Variants in USP28 observed in about 807,000 individuals in gnomAD.
The protein encoded by USP28 is ubiquitin specific peptidase 28.
Under a neutral mutation model 145.0 loss-of-function variants are expected in USP28, and 113 were observed. The ratio of observed to expected loss-of-function variants is 0.78; its 90% CI spans 0.67 to 0.91. The LOEUF (loss-of-function observed/expected upper bound fraction) is 0.91. USP28 is among the 40% of genes least tolerant of loss of function. The pLI is 0.00. For missense variants in USP28, 1,201 were observed against 1,289.6 expected (o/e 0.93, Z 1.05); for synonymous variants, 447 against 450.9 (o/e 0.99, Z 0.11).
intron 1 of USP28, among the ~76,000 whole-genome samples, chr11:113,871,669 A>G (rs1948828997): frequency 6.6e-6 from 1 of 152,118 alleles, no homozygotes; most frequent in South Asian, 2.1e-4. Context: ...CACTGAAATA[A>G]GAGAAAAGAG....
chr11:113,845,882 G>A (rs1945780397), intron 3 of USP28, among the ~76,000 whole-genome samples: 1 of 152,144 alleles, frequency 6.6e-6, no homozygotes, highest in Admixed American at 6.6e-5. Flanking sequence ...GACTAAAACA[G>A]GGTCTTGTAG....
intron 1 of USP28, among the ~76,000 whole-genome samples, chr11:113,860,548 A>C (rs1947553328): frequency 1.3e-5 from 2 of 152,158 alleles, no homozygotes; most frequent in African/African-American, 4.8e-5. Context: ...GCAGTGGCTC[A>C]TGTCTGTGAT....
At chr11:113,836,625 T>C (rs1295403422) in intron 5 of USP28, among the ~76,000 whole-genome samples, 3 of 152,124 alleles carry the variant, frequency 2.0e-5, no homozygotes, top group Non-Finnish European at 4.4e-5. Context: ...GCCTTGAGAA[T>C]ATATCAAGAA....
chr11:113,798,073 T>G (rs944946370), exon 25 of USP28: 1 of 129,322 alleles, frequency 7.7e-6, no homozygotes, highest in Non-Finnish European at 1.6e-5. Context: ...CTGGTTTTTT[T>G]TTTTTTTTTT....
exon 25 of USP28, chr11:113,798,081 T>A (rs904249864): frequency 2.1e-5 from 3 of 146,004 alleles, no homozygotes; most frequent in Non-Finnish European, 4.5e-5. Context: ...TTTTTTTTTT[T>A]TTTTTTTTTT....
In USP28 at chr11:113,812,268, A is replaced by G. The variant is rs933582166; in HGVS notation, c.1972+8T>C. 4 of 1,608,984 alleles carry G rather than the reference A, an allele frequency of 2.5e-6. No individual in the cohort carries two copies. In the Admixed American group the frequency reaches 6.7e-5, roughly 27 times the overall value. ...CCCAATCTATAGATTCTGCCAAGAT[A>G]CTTTTACCTGCATTGAAGTAGGGTA... On this transcript the variant is annotated splice_region_variant and intron_variant, in intron 16 of 24. Transcript: ENST00000003302.
intron 3 of USP28, among the ~76,000 whole-genome samples, chr11:113,845,130 A>C (rs959021320): frequency 4.0e-5 from 6 of 150,936 alleles, no homozygotes; most frequent in South Asian, 4.2e-4. Flanking sequence ...AAAAAAAAAA[A>C]AACAACAAAA....
intron 1 of USP28, among the ~76,000 whole-genome samples, chr11:113,869,677 G>A (rs1948628301): frequency 6.6e-6 from 1 of 152,122 alleles, no homozygotes; most frequent in African/African-American, 2.4e-5. Context: ...AAAAATGTAT[G>A]GAAAAGTGCT....
intron 5 of USP28, among the ~76,000 whole-genome samples, chr11:113,838,152 C>T (rs1202839805): frequency 1.3e-5 from 2 of 152,230 alleles, no homozygotes; most frequent in Non-Finnish European, 2.9e-5. Flanking sequence ...AAGCCTTACT[C>T]AGCTATCTTC....
Position 113,827,111 on chromosome 11 carries a change from T to A in USP28, c.1187+122A>T, listed in dbSNP as rs1274505902. 4.7e-6 allele frequency: 6 copies of A among 1,268,044 alleles called. No homozygotes were observed. The Admixed American group carries it at 7.8e-5, about 16-fold the overall frequency. The allele number at this position is 1,268,044 out of a possible 1,614,324, so 78.5% of individuals were successfully genotyped here. A position where few individuals can be genotyped will look rare whatever the true frequency, so the allele number is the denominator to read the frequency against. Reference sequence around the variant, plus strand: ...GGCAAAGACCCTCAACCTAGACTCATAGAATCCAAATTTGCATATTATCAT... The same window carrying A: ...GGCAAAGACCCTCAACCTAGACTCAAAGAATCCAAATTTGCATATTATCAT... On this transcript the variant is annotated intron_variant, in intron 11 of 24. Transcript: ENST00000003302.
Position 113,805,018 on chromosome 11 carries a change from TAG to T in USP28, c.2427_2428del (p.Tyr810SerfsTer12). ...GGTGGGGGTCTCTTTGGCAAGCTGATAGAGCCTGGAGTATTCTTCATGGAATG... is the reference window on the plus strand; with the variant it reads ...GGTGGGGGTCTCTTTGGCAAGCTGATAGCCTGGAGTATTCTTCATGGAATG... On this transcript the variant is annotated frameshift_variant, in exon 20 of 25. Coordinates refer to ENST00000003302, the Ensembl canonical transcript of USP28. LOFTEE classifies it high-confidence loss of function. The T allele has an allele frequency of 6.2e-7, 1 of 1,614,054 alleles. No homozygotes were observed. The highest frequency in any genetic ancestry group is 8.5e-7 in the Non-Finnish European group (1 of 1,179,974).
intron 1 of USP28, among the ~76,000 whole-genome samples, chr11:113,866,019 C>T (rs1048537559): frequency 6.6e-6 from 1 of 152,188 alleles, no homozygotes; most frequent in Non-Finnish European, 1.5e-5. Context: ...CAGTGCTGGC[C>T]GGGCACGGTG....
At chr11:113,813,741 C>A in intron 15 of USP28, 144 bp downstream of exon 15, 1 of 699,164 alleles carries the variant, frequency 1.4e-6, no homozygotes, top group Non-Finnish European at 2.4e-6. Context: ...AATAAAGAAA[C>A]AGAACAACAT....
intron 13 of USP28, among the ~76,000 whole-genome samples, chr11:113,816,411 G>A (rs965641783): frequency 5.9e-5 from 9 of 152,128 alleles, no homozygotes; most frequent in African/African-American, 2.2e-4. Context: ...TACTTGGGAG[G>A]CTGAGGCAGG....
rs773864695 is a variant in USP28 at position 113,827,369 on chromosome 11, A to C, written c.1060-9T>G. 2 of 1,571,388 alleles carry C rather than the reference A, an allele frequency of 1.3e-6. No homozygotes were observed. The highest frequency in any genetic ancestry group is 1.4e-5 in the African/African-American group (1 of 70,558). On this transcript the variant is annotated splice_polypyrimidine_tract_variant and intron_variant, in intron 10 of 24. Coordinates refer to ENST00000003302, the Ensembl canonical transcript of USP28. Reference sequence around the variant, plus strand: ...AGCTTTGTAAACCAACGCTAGTGTCAAGAGTAGAAATGTGAGAGAAAGAAA... The same window carrying C: ...AGCTTTGTAAACCAACGCTAGTGTCCAGAGTAGAAATGTGAGAGAAAGAAA...
exon 25 of USP28, chr11:113,798,614 G>A (rs1328227028): frequency 6.6e-6 from 1 of 152,438 alleles, no homozygotes; most frequent in African/African-American, 2.4e-5. Context: ...CTTTCACTGA[G>A]GACTGAGTAT....
At chr11:113,837,316 TGTTTG>T (rs1263261534) in intron 5 of USP28, among the ~76,000 whole-genome samples, 3 of 152,244 alleles carry the variant, frequency 2.0e-5, no homozygotes, top group Non-Finnish European at 4.4e-5. Context: ...GGTGTTCAAT[TGTTTG>T]CTGAGGGAAC....
At position 113,823,701 on chromosome 11, in the gene USP28, C is replaced by T; in HGVS notation, c.1188-1G>A. On this transcript the variant is annotated splice_acceptor_variant, in intron 11 of 24. Transcript: ENST00000003302. LOFTEE classifies it high-confidence loss of function. Reference sequence around the variant, plus strand: ...AAGCTCCTTGCTCCTGTACATGTACCTAAGTAAATAATCCCACAAACACAA... The same window carrying T: ...AAGCTCCTTGCTCCTGTACATGTACTTAAGTAAATAATCCCACAAACACAA... The T allele has an allele frequency of 6.3e-7, 1 of 1,595,898 alleles. No individual in the cohort carries two copies. The highest frequency in any genetic ancestry group is 8.5e-7 in the Non-Finnish European group (1 of 1,171,204).
At chr11:113,869,299 T>G (rs1002494050) in intron 1 of USP28, among the ~76,000 whole-genome samples, 11 of 152,066 alleles carry the variant, frequency 7.2e-5, no homozygotes, top group African/African-American at 2.7e-4. Flanking sequence ...CGTGGTGGCA[T>G]GTGCCTGTAA....
Sources: allele counts gnomAD v4.1 joint callset (sites outside exome capture counted in the v4.1 genomes callset), GRCh38; gene constraint gnomAD v4.1.1; transcripts MANE v1.5; gene names NCBI Gene and HGNC (gene_info 2026-07-23, HGNC 2026-07-21).